MEGF6: variants seen among roughly 807,000 people sequenced by gnomAD.
MEGF6 encodes the protein multiple epidermal growth factor-like domains protein 6.
Under a neutral mutation model 207.1 loss-of-function variants are expected in MEGF6, and 184 were observed. The observed-to-expected ratio is 0.89, with a 90% CI of 0.79 to 1.00. The LOEUF is 1.00. Among genes scored for constraint, MEGF6 ranks in the 50% least tolerant of loss-of-function variants. The probability of loss-of-function intolerance (pLI) is 0.00; values close to 1 mark genes in which losing one functional copy is unlikely to be tolerated. For synonymous variants in MEGF6, 1,038 were observed against 910.0 expected (o/e 1.14, Z -2.53); for missense variants, 2,282 against 2,202.9 (o/e 1.04, Z -0.72).
At chr1:3,586,811 G>T (rs527924646) in intron 3 of MEGF6, among the ~76,000 whole-genome samples, 72 of 152,332 alleles carry the variant, frequency 4.7e-4, no homozygotes, top group African/African-American at 1.4e-3. Context: ...TGACCCAGGA[G>T]GGGAGGGAGA....
At chr1:3,615,070 C>G (rs1200955128), upstream of MEGF6, among the ~76,000 whole-genome samples, 1 of 152,240 alleles carries the variant, frequency 6.6e-6, no homozygotes, top group East Asian at 1.9e-4. Context: ...TCTCATCTTT[C>G]CCCTGAAAAT....
At chr1:3,526,846 T>C (rs376046928) in intron 4 of MEGF6, among the ~76,000 whole-genome samples, 3 of 152,278 alleles carry the variant, frequency 2.0e-5, no homozygotes, top group South Asian at 4.1e-4. Flanking sequence ...GAGCCGAGCA[T>C]CTGGGGCCCT....
At chr1:3,590,879 G>T (rs761686698) in intron 3 of MEGF6, among the ~76,000 whole-genome samples, 3 of 152,178 alleles carry the variant, frequency 2.0e-5, no homozygotes, top group Non-Finnish European at 4.4e-5. Context: ...TAAAGAGCGA[G>T]CATCTGTCCT....
At chr1:3,615,137 C>T (rs12069712), upstream of MEGF6, among the ~76,000 whole-genome samples, 2,875 of 152,328 alleles carry the variant, frequency 0.019, 96 homozygotes, top group African/African-American at 0.066. Context: ...TCACTTTGCC[C>T]AGTCCCTTCA....
chr1:3,574,437 T>C (rs1643587275), intron 4 of MEGF6, among the ~76,000 whole-genome samples: 1 of 152,024 alleles, frequency 6.6e-6, no homozygotes, highest in African/African-American at 2.4e-5. Flanking sequence ...GCCCACCTCC[T>C]CCAGGAAGCC....
chr1:3,612,169 C>G (rs1644337526), upstream of MEGF6, among the ~76,000 whole-genome samples: 1 of 152,218 alleles, frequency 6.6e-6, no homozygotes, highest in South Asian at 2.1e-4. Flanking sequence ...GGTTCCCAAC[C>G]ACCTTCTGGG....
chr1:3,587,187 A>G (rs962353819), intron 3 of MEGF6, among the ~76,000 whole-genome samples: 1 of 152,162 alleles, frequency 6.6e-6, no homozygotes, highest in African/African-American at 2.4e-5. Context: ...TGCAACACAA[A>G]CAAGCACACT....
Position 3,494,438 on chromosome 1 carries a change from G to T in MEGF6, c.4062C>A (p.Ser1354Arg). Residue 1354 changes from serine to arginine, a missense_variant, in exon 32 of 37, where the codon AGC (serine) becomes AGA (arginine). Transcript: ENST00000356575. ...AGGTGCCCGTGGCAGGCTCACACGT[G>T]CTGTTGTTGTGGCAGGAGCACTCCA... ...CHLECSCHNN[S>R]TCEPATGTCR... The T allele has an allele frequency of 6.4e-7, 1 of 1,566,168 alleles. No homozygotes were observed.
At chr1:3,498,615 G>A in intron 25 of MEGF6, 83 bp downstream of exon 25, 1 of 1,486,972 alleles carries the variant, frequency 6.7e-7, no homozygotes, top group East Asian at 2.5e-5. Context: ...GCTGCCCCCT[G>A]ACCTGGGAGC....
At chr1:3,508,019 C>A (rs1641179666) in intron 13 of MEGF6, 96 bp from the exon 14 acceptor site, 1 of 1,416,680 alleles carries the variant, frequency 7.1e-7, no homozygotes, top group African/African-American at 1.4e-5. Flanking sequence ...GAAGCAGTTG[C>A]CTAGAGATAA....
At chr1:3,609,318 G>A (rs562089470) in intron 1 of MEGF6, among the ~76,000 whole-genome samples, 6 of 152,310 alleles carry the variant, frequency 3.9e-5, no homozygotes, top group South Asian at 2.1e-4. Flanking sequence ...AGGGTCCAGC[G>A]CAGGGTCCCC....
chr1:3,597,251 T>C (rs1180031755), intron 2 of MEGF6, among the ~76,000 whole-genome samples: 1 of 152,168 alleles, frequency 6.6e-6, no homozygotes, highest in East Asian at 1.9e-4. Context: ...CCTTTCCTGC[T>C]TCCCCAGAGC....
In MEGF6 at chr1:3,492,759, T is replaced by C; in HGVS notation, c.4396A>G (p.Arg1466Gly). The change falls in exon 35 of 37, where the codon AGG becomes GGG. Residue 1466 changes from arginine to glycine, a missense_variant. Transcript: ENST00000356575. Reference sequence around the variant, plus strand: ...GTGCAGCTGGGCCCAAACTGGCCCCTTCTGCAATCTGCAAGGCGGAGGGGG... The same window carrying C: ...GTGCAGCTGGGCCCAAACTGGCCCCCTCTGCAATCTGCAAGGCGGAGGGGG... ...SGATCNLDCR[R>G]GQFGPSCTLH... 6.2e-7 allele frequency: 1 copy of C among 1,611,508 alleles called. No homozygotes were observed. Among genetic ancestry groups the C allele is most frequent in the Non-Finnish European group, 8.5e-7 (1 of 1,179,150 alleles).
intron 4 of MEGF6, chr1:3,531,047 C>A (rs1448959477): frequency 2.0e-6 from 3 of 1,472,764 alleles, no homozygotes; most frequent in Non-Finnish European, 1.8e-6. Flanking sequence ...GCCCTGGCCC[C>A]GCCCGCCCTG....
chr1:3,495,016 G>A (rs2100848938), intron 30 of MEGF6, among the ~76,000 whole-genome samples: 1 of 152,324 alleles, frequency 6.6e-6, no homozygotes, highest in East Asian at 1.9e-4. Flanking sequence ...CAGCCTGCAG[G>A]AAGGGGTTCA....
At position 3,514,627 on chromosome 1, in the gene MEGF6, C is replaced by T. The variant is rs61746170; in HGVS notation, c.776G>A (p.Cys259Tyr). 5.5e-4 allele frequency: 863 copies of T among 1,581,376 alleles called. 1 individual carries two copies. Among genetic ancestry groups the T allele is most frequent in the Middle Eastern group, 2.4e-3 (14 of 5,904 alleles). ...GCGGGCGAGGCCCCGGACCACCTGGCACCTGTGCATGCAGCTGCCGTTCCT... is the reference window on the plus strand; with the variant it reads ...GCGGGCGAGGCCCCGGACCACCTGGTACCTGTGCATGCAGCTGCCGTTCCT... ...ANRNGSCMHR[C>Y]QVVRGLARCE... Residue 259 changes from cysteine (C) to tyrosine (Y), a missense_variant, in exon 7 of 37, where the codon TGC becomes TAC. Physicochemically the swap from Cys to Tyr is radical, Grantham distance 194. Coordinates refer to ENST00000356575, the MANE Select transcript of MEGF6 (RefSeq NM_001409.4).
intron 5 of MEGF6, among the ~76,000 whole-genome samples, chr1:3,521,491 C>A (rs1047462486): frequency 4.6e-5 from 7 of 152,318 alleles, no homozygotes; most frequent in African/African-American, 1.7e-4. Flanking sequence ...TGCCCCAACA[C>A]CCTCCCCATC....
intron 5 of MEGF6, among the ~76,000 whole-genome samples, chr1:3,522,828 G>A (rs1171809166): frequency 3.3e-5 from 5 of 152,152 alleles, no homozygotes; most frequent in African/African-American, 4.8e-5. Context: ...GAGGAGGGTC[G>A]AGAAAAGGAC....
At chr1:3,523,051 G>T (rs1432875633) in intron 5 of MEGF6, among the ~76,000 whole-genome samples, 1 of 150,356 alleles carries the variant, frequency 6.7e-6, no homozygotes, top group Non-Finnish European at 1.5e-5. Context: ...TCCCCATGGT[G>T]GCCGGGACAT....
Sources: allele counts gnomAD v4.1 joint callset (sites outside exome capture counted in the v4.1 genomes callset), GRCh38; gene constraint gnomAD v4.1.1; transcripts MANE v1.5; gene names NCBI Gene and HGNC (gene_info 2026-07-23, HGNC 2026-07-21).